Variants in DLGAP2 observed in about 807,000 individuals in gnomAD.
DLGAP2 encodes the protein DLG associated protein 2, also known as disks large-associated protein 2.
DLGAP2 carries 26 observed loss-of-function variants against 100.3 expected under a neutral mutation model. The ratio of observed to expected loss-of-function variants is 0.26; its 90% CI spans 0.19 to 0.36. The LOEUF is 0.36. Among genes scored for constraint, DLGAP2 ranks in the 10% least tolerant of loss-of-function variants. The pLI, the probability that DLGAP2 is intolerant of heterozygous loss-of-function variation, is 1.00. For synonymous variants in DLGAP2, 886 were observed against 630.1 expected, an observed-to-expected ratio of 1.41 and a Z score of -6.08; for missense variants, 1,858 against 1,453.2, an observed-to-expected ratio of 1.28 and a Z score of -4.53.
intron 1 of DLGAP2, among the ~76,000 whole-genome samples, chr8:907,082 A>G (rs534502945): frequency 6.6e-6 from 1 of 152,300 alleles, no homozygotes; most frequent in East Asian, 1.9e-4. Context: ...GGGCAAACGT[A>G]TGACTGGTGT....
intron 2 of DLGAP2, among the ~76,000 whole-genome samples, chr8:1,062,912 C>T (rs955838601): frequency 5.3e-5 from 8 of 152,180 alleles, no homozygotes; most frequent in African/African-American, 1.2e-4. Flanking sequence ...CAATTTGTAA[C>T]GCAGGAGCTG....
intron 3 of DLGAP2, among the ~76,000 whole-genome samples, chr8:1,354,070 A>G (rs777231394): frequency 2.0e-5 from 3 of 152,330 alleles, no homozygotes; most frequent in Middle Eastern, 3.4e-3. Flanking sequence ...CAGGGGGGCA[A>G]TGTTGTATCA....
At chr8:760,493 C>T (rs1821053417) in intron 1 of DLGAP2, among the ~76,000 whole-genome samples, 1 of 152,208 alleles carries the variant, frequency 6.6e-6, no homozygotes, top group African/African-American at 2.4e-5. Context: ...ACTCTACCCT[C>T]ATATATTTGA....
At chr8:1,096,590 C>T (rs1285556542) in intron 2 of DLGAP2, among the ~76,000 whole-genome samples, 1 of 151,752 alleles carries the variant, frequency 6.6e-6, no homozygotes, top group Non-Finnish European at 1.5e-5. Flanking sequence ...GGCAGGCCTT[C>T]ACCCTCTGTG....
At chr8:956,217 A>T (rs1799593851) in intron 2 of DLGAP2, among the ~76,000 whole-genome samples, 1 of 152,112 alleles carries the variant, frequency 6.6e-6, no homozygotes, top group African/African-American at 2.4e-5. Flanking sequence ...GCAGTGGTGG[A>T]TGTGATATTG....
Position 904,535 on chromosome 8 carries a change from G to A in DLGAP2, c.19-3377G>A, listed in dbSNP as rs562425708. On this transcript the variant is annotated intron_variant, in intron 1 of 14. Coordinates refer to ENST00000637795, the MANE Select transcript of DLGAP2 (RefSeq NM_001346810.2). ...ACTGTCTCAAAAAAATTACATGGCT[G>A]CATGTGACGGCCCCAGTGGACGTGT... 2.0e-5 allele frequency among the ~76,000 whole-genome samples: 3 copies of A among 152,312 alleles called. No individual in the cohort carries two copies. In the South Asian group the frequency reaches 6.2e-4, roughly 32 times the overall value.
rs556087563 is a variant in DLGAP2 at position 1,342,984 on chromosome 8, G to A, written c.106+84101G>A. Among the ~76,000 whole-genome samples, 34 of 152,252 alleles carry A rather than the reference G, an allele frequency of 2.2e-4. 1 individual carries two copies. Among genetic ancestry groups the A allele is most frequent in the Middle Eastern group, 6.8e-3 (2 of 294 alleles). On this transcript the variant is annotated intron_variant, in intron 3 of 14. Coordinates refer to ENST00000637795, the MANE Select transcript of DLGAP2 (RefSeq NM_001346810.2). Reference sequence around the variant, plus strand: ...CTGGCACATGGTCGTGCATGGGTGCGGGGTGCTGGGAGCACAGAGATTATT... The same window carrying A: ...CTGGCACATGGTCGTGCATGGGTGCAGGGTGCTGGGAGCACAGAGATTATT...
intron 1 of DLGAP2, among the ~76,000 whole-genome samples, chr8:854,719 G>A (rs1229164058): frequency 2.6e-5 from 4 of 152,288 alleles, no homozygotes; most frequent in Admixed American, 2.0e-4. Context: ...GGAGGGCCAG[G>A]GCTGTCTGCA....
chr8:1,123,930 G>A (rs1382050639), intron 2 of DLGAP2, among the ~76,000 whole-genome samples: 3 of 152,042 alleles, frequency 2.0e-5, no homozygotes, highest in Non-Finnish European at 2.9e-5. Flanking sequence ...TGGTCTAATT[G>A]ACAGCATGCA....
chr8:1,563,821 C>T (rs904292617), intron 5 of DLGAP2, among the ~76,000 whole-genome samples: 1 of 152,116 alleles, frequency 6.6e-6, no homozygotes, highest in Non-Finnish European at 1.5e-5. Flanking sequence ...CCACGCAGAT[C>T]CCTGCTGGTA....
chr8:822,123 C>T (rs1312775161), intron 1 of DLGAP2: 7 of 399,524 alleles, frequency 1.8e-5, no homozygotes, highest in Middle Eastern at 6.2e-4. Context: ...TGGCCCTAGC[C>T]CTGCGCGGCT....
At chr8:1,666,496 C>T (rs1798547126) in intron 8 of DLGAP2, among the ~76,000 whole-genome samples, 2 of 152,092 alleles carry the variant, frequency 1.3e-5, no homozygotes, top group Admixed American at 6.5e-5. Flanking sequence ...GGCTGGCCCA[C>T]ATGGTGAAAC....
intron 2 of DLGAP2, among the ~76,000 whole-genome samples, chr8:1,132,814 G>T (rs148522835): frequency 2.6e-5 from 4 of 152,212 alleles, no homozygotes; most frequent in African/African-American, 9.6e-5. Context: ...AGGGCAGGAC[G>T]CCCAGTCGCT....
At chr8:1,599,398 A>T (rs753875115) in intron 6 of DLGAP2, among the ~76,000 whole-genome samples, 16 of 152,100 alleles carry the variant, frequency 1.1e-4, no homozygotes, top group Non-Finnish European at 2.2e-4. Context: ...CCAGAGCTGA[A>T]TTGAAGTCCT....
chr8:1,329,230 A>C (rs1247832816), intron 3 of DLGAP2, among the ~76,000 whole-genome samples: 1 of 152,232 alleles, frequency 6.6e-6, no homozygotes, highest in African/African-American at 2.4e-5. Flanking sequence ...GTCAGTCTTT[A>C]AAAGTATCTT....
chr8:1,417,002 G>A (rs1796905588), intron 3 of DLGAP2, among the ~76,000 whole-genome samples: 1 of 150,432 alleles, frequency 6.6e-6, no homozygotes, highest in South Asian at 2.1e-4. Context: ...CAGGGCTCAG[G>A]GGTCCCCGTC....
intron 3 of DLGAP2, among the ~76,000 whole-genome samples, chr8:1,318,180 AAC>A (rs1199882492): frequency 6.6e-6 from 1 of 151,960 alleles, no homozygotes; most frequent in African/African-American, 2.4e-5. Flanking sequence ...GCGTCTCTCC[AAC>A]AGTCTACAAA....
intron 2 of DLGAP2, among the ~76,000 whole-genome samples, chr8:1,096,429 C>T (rs1372904150): frequency 2.6e-5 from 4 of 152,244 alleles, no homozygotes; most frequent in Admixed American, 6.5e-5. Context: ...CAGCACTCAA[C>T]CTCTGTGGCA....
Position 1,018,273 on chromosome 8 carries a change from T to G in DLGAP2, c.73+110307T>G, listed in dbSNP as rs116685519. On this transcript the variant is annotated intron_variant, in intron 2 of 14. Coordinates refer to ENST00000637795, the MANE Select transcript of DLGAP2 (RefSeq NM_001346810.2). ...ACTCTGACACCATAGGACTTCCTTCTTTGAACATTGATTCCGGCTGATGTT... is the reference window on the plus strand; with the variant it reads ...ACTCTGACACCATAGGACTTCCTTCGTTGAACATTGATTCCGGCTGATGTT... Among the ~76,000 whole-genome samples, 689 of 152,268 alleles carry G rather than the reference T, an allele frequency of 4.5e-3. 5 individuals carry two copies. The highest frequency in any genetic ancestry group is 0.016 in the African/African-American group (647 of 41,544).
Sources: gnomAD v4.1 joint callset for allele counts (sites outside exome capture counted in the v4.1 genomes callset) on GRCh38, gnomAD v4.1.1 for gene constraint, MANE v1.5 for transcripts, NCBI Gene and HGNC (gene_info 2026-07-23, HGNC 2026-07-21) for gene names.